CNTNAP5: variants seen among roughly 807,000 people sequenced by gnomAD.
CNTNAP5 encodes the protein contactin-associated protein-like 5.
In CNTNAP5, 72 loss-of-function variants were observed where a neutral mutation model predicts 150.2. The ratio of observed to expected loss-of-function variants is 0.48; its 90% CI spans 0.40 to 0.58. The LOEUF (loss-of-function observed/expected upper bound fraction) is 0.58. CNTNAP5 is among the 20% of genes least tolerant of loss of function. The pLI, the probability that CNTNAP5 is intolerant of heterozygous loss-of-function variation, is 0.00. For missense variants in CNTNAP5, 1,636 were observed against 1,626.2 expected, an observed-to-expected ratio of 1.01 and a Z score of -0.10; for synonymous variants, 672 against 619.8, an observed-to-expected ratio of 1.08 and a Z score of -1.25.
chr2:124,488,596 G>A (rs1693945707), intron 7 of CNTNAP5, among the ~76,000 whole-genome samples: 1 of 152,172 alleles, frequency 6.6e-6, no homozygotes, highest in African/African-American at 2.4e-5. Flanking sequence ...TATAAAAATG[G>A]TGATCGATAA....
chr2:124,210,358 T>C lies in CNTNAP5; in HGVS notation c.83-11347T>C, dbSNP rs1018005076. Among the ~76,000 whole-genome samples the C allele has an allele frequency of 8.5e-5, 13 of 152,286 alleles. 1 individual carries two copies. The highest frequency in any genetic ancestry group is 3.3e-4 in the Admixed American group (5 of 15,296). Reference sequence around the variant, plus strand: ...TATAAAGATATGTTAATTTTAGAAATTGATTTGTGAGCTTCCCAGTTCTTC... The same window carrying C: ...TATAAAGATATGTTAATTTTAGAAACTGATTTGTGAGCTTCCCAGTTCTTC... On this transcript the variant is annotated intron_variant, in intron 1 of 23. Transcript: ENST00000682447.
At chr2:124,581,493 A>G (rs973648505) in intron 11 of CNTNAP5, among the ~76,000 whole-genome samples, 1 of 152,202 alleles carries the variant, frequency 6.6e-6, no homozygotes, top group African/African-American at 2.4e-5. Context: ...TAGCACGACA[A>G]CATAAAACAA....
Position 124,915,900 on chromosome 2 carries a change from G to T in CNTNAP5, c.*1612G>T, listed in dbSNP as rs76016140. 3.5e-4 allele frequency among the ~76,000 whole-genome samples: 54 copies of T among 152,152 alleles called. No individual in the cohort carries two copies. The East Asian group carries it at 9.7e-3, about 27-fold the overall frequency. On this transcript the variant is annotated 3_prime_UTR_variant, in exon 24 of 24. Transcript: ENST00000682447. Reference sequence around the variant, plus strand: ...GAAATGCTCATGTAATGATTCTTAGGTGTGGAAAATACTTGCTGATTCTCT... The same window carrying T: ...GAAATGCTCATGTAATGATTCTTAGTTGTGGAAAATACTTGCTGATTCTCT...
At chr2:124,437,050 A>C (rs562742800) in intron 5 of CNTNAP5, among the ~76,000 whole-genome samples, 1 of 152,286 alleles carries the variant, frequency 6.6e-6, no homozygotes, top group South Asian at 2.1e-4. Flanking sequence ...GCACTAAGCA[A>C]AGGGGAGTGG....
chr2:124,807,335 G>A (rs1041446678), intron 19 of CNTNAP5, among the ~76,000 whole-genome samples: 3 of 152,124 alleles, frequency 2.0e-5, no homozygotes, highest in Non-Finnish European at 2.9e-5. Flanking sequence ...AAGATGGGTC[G>A]GGGGATAGTT....
intron 5 of CNTNAP5, among the ~76,000 whole-genome samples, chr2:124,441,461 T>G (rs1037380847): frequency 1.3e-5 from 2 of 152,100 alleles, no homozygotes; most frequent in African/African-American, 2.4e-5. Flanking sequence ...TCCAGAATTG[T>G]TTTTAGTCTA....
intron 6 of CNTNAP5, among the ~76,000 whole-genome samples, chr2:124,455,784 A>C (rs966171860): frequency 3.3e-5 from 5 of 152,152 alleles, no homozygotes; most frequent in Non-Finnish European, 5.9e-5. Context: ...TAAATATTAT[A>C]CACTACATAA....
intron 4 of CNTNAP5, among the ~76,000 whole-genome samples, chr2:124,425,038 AG>A (rs1260751696): frequency 6.6e-6 from 1 of 152,244 alleles, no homozygotes; most frequent in East Asian, 1.9e-4. Context: ...ATGACCAAGT[AG>A]TTGGATCAAC....
intron 1 of CNTNAP5, among the ~76,000 whole-genome samples, chr2:124,121,488 A>G (rs932147385): frequency 1.3e-5 from 2 of 152,162 alleles, no homozygotes; most frequent in African/African-American, 4.8e-5. Context: ...GCTGCAGGAG[A>G]GACTGCTGTG....
At chr2:124,283,843 T>G (rs575471009) in intron 3 of CNTNAP5, among the ~76,000 whole-genome samples, 6 of 152,298 alleles carry the variant, frequency 3.9e-5, no homozygotes, top group African/African-American at 1.4e-4. Flanking sequence ...TGGAGATTTT[T>G]TATAAGGGCA....
intron 3 of CNTNAP5, among the ~76,000 whole-genome samples, chr2:124,363,792 G>T (rs1056699106): frequency 1.3e-5 from 2 of 152,176 alleles, no homozygotes; most frequent in Non-Finnish European, 2.9e-5. Context: ...ATACTTTCTA[G>T]ATGTACGCAT....
chr2:124,627,902 C>G (rs1308799507), intron 12 of CNTNAP5, among the ~76,000 whole-genome samples: 1 of 152,146 alleles, frequency 6.6e-6, no homozygotes, highest in African/African-American at 2.4e-5. Flanking sequence ...AAACACAGCA[C>G]AAGACAATCA....
At chr2:124,279,719 C>T (rs981979760) in intron 3 of CNTNAP5, among the ~76,000 whole-genome samples, 1 of 151,986 alleles carries the variant, frequency 6.6e-6, no homozygotes, top group Non-Finnish European at 1.5e-5. Flanking sequence ...CTCTTCTCAC[C>T]CGGCTGTAAA....
At chr2:124,115,996 C>G (rs1361906192) in intron 1 of CNTNAP5, among the ~76,000 whole-genome samples, 1 of 152,140 alleles carries the variant, frequency 6.6e-6, no homozygotes, top group African/African-American at 2.4e-5. Context: ...GCTTGGCACT[C>G]AGTCAACGCT....
intron 4 of CNTNAP5, among the ~76,000 whole-genome samples, chr2:124,430,642 G>A (rs559066560): frequency 9.9e-5 from 15 of 152,182 alleles, no homozygotes; most frequent in Admixed American, 2.0e-4. Flanking sequence ...GAGGTATGAT[G>A]TTTCTTATGC....
chr2:124,124,385 C>G (rs1021918966), intron 1 of CNTNAP5, among the ~76,000 whole-genome samples: 1 of 152,142 alleles, frequency 6.6e-6, no homozygotes, highest in Admixed American at 6.5e-5. Context: ...AAGAAATGAA[C>G]AAAGCCTCCA....
chr2:124,842,720 T>C (rs1682969244), intron 19 of CNTNAP5, among the ~76,000 whole-genome samples: 1 of 152,128 alleles, frequency 6.6e-6, no homozygotes, highest in Non-Finnish European at 1.5e-5. Flanking sequence ...CATCACTGAA[T>C]AGTTTGGGGA....
In CNTNAP5 at chr2:124,504,502, A is replaced by ACCC; in HGVS notation, c.1273_1274insCCC (p.Ile425delinsThrLeu). 6.2e-7 allele frequency: 1 copy of ACCC among 1,613,814 alleles called. No individual in the cohort carries two copies. The highest frequency in any genetic ancestry group is 8.5e-7 in the Non-Finnish European group (1 of 1,179,810). On this transcript the variant is annotated protein_altering_variant, in exon 8 of 24. Transcript: ENST00000682447. ...CCTGCTGCTGAGCCTGGAGGGTGGA[A>ACCC]TCCTGAGACTCGTGATTCAGAAAAT...
At chr2:124,110,082 T>C (rs917700123) in intron 1 of CNTNAP5, among the ~76,000 whole-genome samples, 2 of 152,222 alleles carry the variant, frequency 1.3e-5, no homozygotes, top group Non-Finnish European at 2.9e-5. Context: ...AACCACTTTT[T>C]TGGGGTATTT....
Sources: allele counts gnomAD v4.1 joint callset (sites outside exome capture counted in the v4.1 genomes callset), GRCh38; gene constraint gnomAD v4.1.1; transcripts MANE v1.5; gene names NCBI Gene and HGNC (gene_info 2026-07-23, HGNC 2026-07-21).